ATAD2B: variants seen among roughly 807,000 people sequenced by gnomAD.
ATAD2B encodes ATPase family AAA domain containing 2B, also known as ATPase family AAA domain-containing protein 2B.
In ATAD2B, 40 loss-of-function variants were observed where a neutral mutation model predicts 167.6. That is an observed-to-expected ratio of 0.24 (90% CI 0.19 to 0.31). ATAD2B has a LOEUF of 0.31. Among genes scored for constraint, ATAD2B ranks in the 10% least tolerant of loss-of-function variants. The pLI is 1.00. For missense variants in ATAD2B, 1,242 were observed against 1,757.2 expected, an observed-to-expected ratio of 0.71 and a Z score of 5.24; for synonymous variants, 579 against 596.5, an observed-to-expected ratio of 0.97 and a Z score of 0.43.
chr2:23,790,648 A>G lies in ATAD2B; in HGVS notation c.2641-2001T>C, dbSNP rs952824678. Among the ~76,000 whole-genome samples, 7 of 152,300 alleles carry G rather than the reference A, an allele frequency of 4.6e-5. No individual in the cohort carries two copies. In the South Asian group the frequency reaches 1.5e-3, roughly 32 times the overall value. ...TCTGACAGTCCTAGCCTCAAACTTC[A>G]TGGTGTACCAAAGACAAGCCTTCCA... On this transcript the variant is annotated intron_variant, in intron 19 of 27. Coordinates refer to ENST00000238789, the MANE Select transcript of ATAD2B (RefSeq NM_017552.4).
chr2:23,912,581 G>GA (rs1276793643), intron 1 of ATAD2B, among the ~76,000 whole-genome samples: 1 of 151,988 alleles, frequency 6.6e-6, no homozygotes, highest in Admixed American at 6.6e-5. Context: ...ACCAATGGAT[G>GA]AAAGAAGAAA....
At chr2:23,831,594 T>C (rs1162134271) in intron 14 of ATAD2B, among the ~76,000 whole-genome samples, 1 of 152,120 alleles carries the variant, frequency 6.6e-6, no homozygotes, top group Non-Finnish European at 1.5e-5. Context: ...TGCCTCCCAA[T>C]TCACTGAGAA....
intron 1 of ATAD2B, among the ~76,000 whole-genome samples, chr2:23,917,062 G>A (rs1344142153): frequency 6.6e-6 from 1 of 152,238 alleles, no homozygotes; most frequent in Non-Finnish European, 1.5e-5. Flanking sequence ...ATAGACTACA[G>A]CGTGAATGGT....
At chr2:23,860,046 T>C (rs1441415277) in intron 12 of ATAD2B, among the ~76,000 whole-genome samples, 3 of 147,826 alleles carry the variant, frequency 2.0e-5, no homozygotes, top group South Asian at 4.3e-4. Flanking sequence ...CCCTCATAAA[T>C]AGACTAATGT....
intron 1 of ATAD2B, among the ~76,000 whole-genome samples, chr2:23,923,127 TAGAAA>T (rs1334731639): frequency 6.6e-6 from 1 of 152,192 alleles, no homozygotes; most frequent in Non-Finnish European, 1.5e-5. Context: ...GAGATGAATG[TAGAAA>T]ACGTGGTGTA....
intron 1 of ATAD2B, among the ~76,000 whole-genome samples, chr2:23,897,505 C>G (rs1057509761): frequency 2.6e-5 from 4 of 152,170 alleles, no homozygotes; most frequent in Admixed American, 6.6e-5. Context: ...TCCATCATTC[C>G]TTCTACATTT....
At chr2:23,824,960 G>A (rs1487976166) in intron 15 of ATAD2B, among the ~76,000 whole-genome samples, 1 of 151,832 alleles carries the variant, frequency 6.6e-6, no homozygotes, top group Non-Finnish European at 1.5e-5. Context: ...TTTTATTTTT[G>A]GGAGACAGCA....
chr2:23,900,083 A>T (rs953177444), intron 1 of ATAD2B, among the ~76,000 whole-genome samples: 2 of 147,932 alleles, frequency 1.4e-5, no homozygotes, highest in Non-Finnish European at 3.0e-5. Context: ...ACGCCCAGCT[A>T]ATTTTTGTAT....
chr2:23,713,402 G>GT, the ATAD2B span, among the ~76,000 whole-genome samples: 8,740 of 111,726 alleles, frequency 0.078, 322 homozygotes, highest in Middle Eastern at 0.14. Context: ...TTTTATGGAG[G>GT]TTTTTTTTTT....
At chr2:23,828,390 A>ATTT (rs1688557325) in intron 15 of ATAD2B, among the ~76,000 whole-genome samples, 1 of 152,176 alleles carries the variant, frequency 6.6e-6, no homozygotes, top group Non-Finnish European at 1.5e-5. Context: ...ATAATTAACT[A>ATTT]TTTTCTTTGA....
chr2:23,712,537 G>A, the ATAD2B span, among the ~76,000 whole-genome samples: 144 of 152,228 alleles, frequency 9.5e-4, 3 homozygotes, highest in South Asian at 0.023. Flanking sequence ...TCACAGCCTC[G>A]GCCTGGGAGA....
chr2:23,863,624 A>T, intron 11 of ATAD2B, 69 bp from the exon 12 acceptor site: 1 of 1,341,108 alleles, frequency 7.5e-7, no homozygotes, highest in South Asian at 1.5e-5. Context: ...ATTTTAAAAA[A>T]TGTCCCCCCC....
chr2:23,876,057 G>A (rs576987352), intron 7 of ATAD2B, among the ~76,000 whole-genome samples, 153 bp from the exon 8 acceptor site: 7 of 152,250 alleles, frequency 4.6e-5, no homozygotes, highest in East Asian at 1.9e-4. Flanking sequence ...GCAGTGGCGC[G>A]ATCTCGGCTC....
intron 8 of ATAD2B, among the ~76,000 whole-genome samples, chr2:23,870,098 T>C (rs1311645497): frequency 2.1e-5 from 3 of 145,254 alleles, no homozygotes. Context: ...TCCCAGCTAC[T>C]CGGGAGGCTG....
At chr2:23,680,740 G>A in the ATAD2B span, among the ~76,000 whole-genome samples, 5 of 147,202 alleles carry the variant, frequency 3.4e-5, no homozygotes, top group Admixed American at 1.3e-4. This position sits in a 1 kb window ranked among gnomAD's most constrained non-coding sequence, Gnocchi z 4.1. Flanking sequence ...ATCTTCCCCT[G>A]GGGTCTCTAG....
chr2:23,925,442 T>C (rs1704591871), intron 1 of ATAD2B, among the ~76,000 whole-genome samples: 1 of 152,230 alleles, frequency 6.6e-6, no homozygotes, highest in South Asian at 2.1e-4. Flanking sequence ...CGCGATCTTG[T>C]AGACCCCTAG....
intron 18 of ATAD2B, among the ~76,000 whole-genome samples, chr2:23,799,523 A>C (rs2149467357): frequency 6.9e-6 from 1 of 145,870 alleles, no homozygotes; most frequent in Non-Finnish European, 1.5e-5. Flanking sequence ...CAGTGAGCCG[A>C]GATCACACCA....
At chr2:23,708,241 T>A in the ATAD2B span, 1 of 151,578 alleles carries the variant, frequency 6.6e-6, no homozygotes, top group African/African-American at 2.4e-5. Context: ...ATGCAGTTTT[T>A]AATATTATTT....
At chr2:23,903,269 T>TAAATAAATAAATAAATAAAC (rs1701054522) in intron 1 of ATAD2B, among the ~76,000 whole-genome samples, 1 of 151,656 alleles carries the variant, frequency 6.6e-6, no homozygotes, top group African/African-American at 2.4e-5. Context: ...AATAAATAAA[T>TAAATAAATAAATAAATAAAC]GTTGTTTTCA....
Sources: allele counts gnomAD v4.1 joint callset (sites outside exome capture counted in the v4.1 genomes callset), GRCh38; gene constraint gnomAD v4.1.1; non-coding constraint Gnocchi (gnomAD v3.1); transcripts MANE v1.5; gene names NCBI Gene and HGNC (gene_info 2026-07-23, HGNC 2026-07-21).